ASIP: variants seen among roughly 807,000 people sequenced by gnomAD.
ASIP encodes the protein agouti signaling protein, also known as agouti-signaling protein.
ASIP carries 11 observed loss-of-function variants against 10.3 expected under a neutral mutation model. That is an observed-to-expected ratio of 1.07 (90% CI 0.68 to 1.78). The LOEUF (loss-of-function observed/expected upper bound fraction) is 1.78, where lower values mean the gene tolerates loss of function less well. Ranked by LOEUF, ASIP falls within the 40% of genes most tolerant of loss-of-function variation. The pLI, the probability that ASIP is intolerant of heterozygous loss-of-function variation, is 0.00. For synonymous variants in ASIP, 70 were observed against 70.8 expected, an observed-to-expected ratio of 0.99 and a Z score of 0.06; for missense variants, 180 against 169.2, an observed-to-expected ratio of 1.06 and a Z score of -0.35.
At chr20:34,227,178 T>C (rs2035098851) in intron 1 of ASIP, among the ~76,000 whole-genome samples, 1 of 152,080 alleles carries the variant, frequency 6.6e-6, no homozygotes, top group Non-Finnish European at 1.5e-5. Context: ...CAGAAACTAG[T>C]TTATTTCTAT....
chr20:34,193,967 A>G (rs996924255), upstream of ASIP, among the ~76,000 whole-genome samples: 1 of 152,238 alleles, frequency 6.6e-6, no homozygotes, highest in Non-Finnish European at 1.5e-5. Flanking sequence ...AGCAGCCCAG[A>G]GTTTCCTGAG....
At position 34,226,594 on chromosome 20, in the gene ASIP, T is replaced by G. The variant is rs1418847099; in HGVS notation, c.-11+31834T>G. Among the ~76,000 whole-genome samples the G allele has an allele frequency of 2.0e-5, 3 of 152,180 alleles. No individual in the cohort carries two copies. The East Asian group carries it at 5.8e-4, about 29-fold the overall frequency. Reference sequence around the variant, plus strand: ...GTCTCAAACTCCTGACCTCAAGTGATCCACCCGCCTCAGCCTCCTAAAGTG... The same window carrying G: ...GTCTCAAACTCCTGACCTCAAGTGAGCCACCCGCCTCAGCCTCCTAAAGTG... On this transcript the variant is annotated intron_variant, in intron 1 of 3. Coordinates refer to the ASIP transcript ENST00000568305.
intron 1 of ASIP, among the ~76,000 whole-genome samples, chr20:34,225,471 A>G (rs2035086529): frequency 6.6e-6 from 1 of 151,894 alleles, no homozygotes; most frequent in African/African-American, 2.4e-5. Flanking sequence ...TTAACATCTG[A>G]CAGGATGTGC....
rs995261679 is a variant in ASIP at position 34,207,743 on chromosome 20, A to G, written c.-11+12983A>G. Among the ~76,000 whole-genome samples, 3 of 151,892 alleles carry G rather than the reference A, an allele frequency of 2.0e-5. No individual in the cohort carries two copies. In the East Asian group the frequency reaches 5.8e-4, roughly 29 times the overall value. On this transcript the variant is annotated intron_variant, in intron 1 of 3. Coordinates refer to the ASIP transcript ENST00000568305. ...GGGGTATAGTTTAATTCTTCTTCAT[A>G]TGGATATCCAGTTTTTCCAGCACCA...
intron 1 of ASIP, among the ~76,000 whole-genome samples, chr20:34,258,690 T>TATATATAC (rs1250992566): frequency 1.4e-5 from 1 of 72,326 alleles, no homozygotes; most frequent in African/African-American, 7.4e-5. Flanking sequence ...TATATATATA[T>TATATATAC]ACATACTATA....
chr20:34,259,228 A>C (rs745434450), intron 1 of ASIP, among the ~76,000 whole-genome samples: 6 of 149,896 alleles, frequency 4.0e-5, no homozygotes, highest in Non-Finnish European at 8.9e-5. Flanking sequence ...ATGACAACAG[A>C]AAAAAACTAT....
chr20:34,214,586 G>C, intron 1 of ASIP: 1 of 1,360,942 alleles, frequency 7.3e-7, no homozygotes, highest in South Asian at 1.2e-5. Flanking sequence ...AAAACTCTGC[G>C]AACAGAGGCC....
At chr20:34,190,712 C>T (rs1344487363), upstream of ASIP, among the ~76,000 whole-genome samples, 4 of 152,170 alleles carry the variant, frequency 2.6e-5, no homozygotes, top group Non-Finnish European at 5.9e-5. Context: ...CCGGAAGAAA[C>T]ACACACATCC....
chr20:34,242,030 T>C (rs1601590958), intron 1 of ASIP, among the ~76,000 whole-genome samples: 1 of 152,158 alleles, frequency 6.6e-6, no homozygotes, highest in African/African-American at 2.4e-5. Flanking sequence ...TTCACACATT[T>C]TAATGCCCAT....
At chr20:34,188,488 T>C in the ASIP span, among the ~76,000 whole-genome samples, 1 of 152,254 alleles carries the variant, frequency 6.6e-6, no homozygotes, top group Non-Finnish European at 1.5e-5. Context: ...GATGTGTCAT[T>C]AACATATTCC....
At chr20:34,205,067 T>C (rs1001978329) in intron 1 of ASIP, among the ~76,000 whole-genome samples, 14 of 152,244 alleles carry the variant, frequency 9.2e-5, no homozygotes, top group Admixed American at 3.3e-4. Context: ...CAAGTGTGCC[T>C]GGAATTGGTG....
chr20:34,262,976 G>C, intron 3 of ASIP, 83 bp downstream of exon 3: 6 of 1,492,748 alleles, frequency 4.0e-6, no homozygotes, highest in Non-Finnish European at 5.5e-6. Flanking sequence ...CTCTGGCTAG[G>C]AACTAAATGA....
At chr20:34,223,633 G>A (rs2035071112) in intron 1 of ASIP, among the ~76,000 whole-genome samples, 2 of 146,146 alleles carry the variant, frequency 1.4e-5, no homozygotes. Context: ...CGCCCCGTCC[G>A]GGAGGTGAGG....
intron 1 of ASIP, among the ~76,000 whole-genome samples, chr20:34,200,403 A>G (rs994002156): frequency 1.3e-5 from 2 of 152,234 alleles, no homozygotes; most frequent in African/African-American, 4.8e-5. Flanking sequence ...TCAAATTGGC[A>G]TCTGGTAATG....
intron 1 of ASIP, among the ~76,000 whole-genome samples, chr20:34,226,503 C>A (rs1412356728): frequency 6.6e-6 from 1 of 152,106 alleles, no homozygotes; most frequent in Non-Finnish European, 1.5e-5. Context: ...CAGGTGCACA[C>A]CACAAGGCCC....
intron 1 of ASIP, among the ~76,000 whole-genome samples, chr20:34,198,001 G>C (rs1276229111): frequency 6.6e-6 from 1 of 151,944 alleles, no homozygotes; most frequent in Non-Finnish European, 1.5e-5. Flanking sequence ...GGGGAAGAGA[G>C]AATGGGGTCA....
At chr20:34,236,010 GAA>G (rs546203439) in intron 1 of ASIP, among the ~76,000 whole-genome samples, 5 of 114,260 alleles carry the variant, frequency 4.4e-5, no homozygotes, top group Non-Finnish European at 8.2e-5. Flanking sequence ...GAGAAAGAGA[GAA>G]AGAGAGAGAG....
chr20:34,196,890 C>T (rs776191242), intron 1 of ASIP, among the ~76,000 whole-genome samples: 3 of 152,172 alleles, frequency 2.0e-5, no homozygotes, highest in Admixed American at 6.5e-5. Flanking sequence ...TCACCAGTTC[C>T]GTCTCCATCT....
chr20:34,245,841 A>AAT (rs919441045), intron 1 of ASIP: 38 of 765,690 alleles, frequency 5.0e-5, no homozygotes, highest in African/African-American at 1.1e-4. Context: ...TTTACTGTAG[A>AAT]ATATATATAT....
Sources: allele counts gnomAD v4.1 joint callset (sites outside exome capture counted in the v4.1 genomes callset), GRCh38; gene constraint gnomAD v4.1.1; transcripts MANE v1.5; gene names NCBI Gene and HGNC (gene_info 2026-07-23, HGNC 2026-07-21).